Variants in ATP8A1 observed in about 807,000 individuals in gnomAD.
The protein encoded by ATP8A1 is phospholipid-transporting ATPase IA.
ATP8A1 carries 90 observed loss-of-function variants against 177.7 expected under a neutral mutation model. That is an observed-to-expected ratio of 0.51 (90% CI 0.43 to 0.60). ATP8A1 has a LOEUF of 0.60. ATP8A1 is among the 20% of genes least tolerant of loss of function. The pLI is 0.00. For missense variants in ATP8A1, 1,072 were observed against 1,392.8 expected (o/e 0.77, Z 3.67); for synonymous variants, 493 against 485.9 (o/e 1.01, Z -0.19).
At chr4:42,588,224 A>T (rs1733821443) in intron 8 of ATP8A1, 36 bp downstream of exon 8, 3 of 1,503,682 alleles carry the variant, frequency 2.0e-6, no homozygotes, top group Middle Eastern at 1.7e-4. Context: ...GTAATAAAAT[A>T]GCAGTGATTA....
rs372597903 is a variant in ATP8A1, at chr4:42,491,811, T to C, written c.2152-6143A>G. On this transcript the variant is annotated intron_variant, in intron 24 of 36. Coordinates refer to ENST00000381668, the MANE Select transcript of ATP8A1 (RefSeq NM_006095.2). ...ATAAAAATGGTCCTTTTCAGCTTTC[T>C]AGCCGAGGTTTACAGGAAAGACAGT... Among the ~76,000 whole-genome samples, 410 of 152,278 alleles carry C rather than the reference T, an allele frequency of 2.7e-3. 2 individuals are homozygous for C. Among genetic ancestry groups the C allele is most frequent in the Admixed American group, 3.8e-3 (58 of 15,288 alleles).
In ATP8A1 at chr4:42,435,461, A is replaced by AAAAAAC. The variant is rs1553871738; in HGVS notation, c.3123+8103_3123+8104insGTTTTT. Among the ~76,000 whole-genome samples, 640 of 122,130 alleles carry AAAAAAC rather than the reference A, an allele frequency of 5.2e-3. 30 individuals carry two copies. Among genetic ancestry groups the AAAAAAC allele is most frequent in the East Asian group, 0.013 (51 of 3,902 alleles). 80.1% of individuals were successfully genotyped at this position (122,130 alleles called of 152,430 possible). ...AAAAAAAAAAAAAACAAAAAAAAAA[A>AAAAAAC]AACAAACTATCTCCAGTTATGAGCT... On this transcript the variant is annotated intron_variant, in intron 33 of 36. Transcript: ENST00000381668.
At chr4:42,469,916 A>G (rs1720205200) in intron 25 of ATP8A1, among the ~76,000 whole-genome samples, 1 of 152,250 alleles carries the variant, frequency 6.6e-6, no homozygotes, top group African/African-American at 2.4e-5. Flanking sequence ...AAAAAATCAC[A>G]TATCCATGGC....
Position 42,414,621 on chromosome 4 carries a change from A to G in ATP8A1, c.3397+6T>C. On this transcript the variant is annotated splice_donor_region_variant and intron_variant, in intron 36 of 36. Transcript: ENST00000381668. ...TTATTTAAAAATAAGAAACTCAAATACTCACGGAGCAGATTTTGTTGCAAG... is the reference window on the plus strand; with the variant it reads ...TTATTTAAAAATAAGAAACTCAAATGCTCACGGAGCAGATTTTGTTGCAAG... 6.2e-7 allele frequency: 1 copy of G among 1,610,812 alleles called. No individual in the cohort carries two copies. Among genetic ancestry groups the G allele is most frequent in the Non-Finnish European group, 8.5e-7 (1 of 1,177,006 alleles).
At chr4:42,592,901 G>A (rs1159923653) in intron 6 of ATP8A1, among the ~76,000 whole-genome samples, 1 of 151,910 alleles carries the variant, frequency 6.6e-6, no homozygotes, top group Non-Finnish European at 1.5e-5. Flanking sequence ...TGACCAAAAT[G>A]TTGTTATGCA....
At chr4:42,568,015 A>G (rs558465796) in intron 15 of ATP8A1, among the ~76,000 whole-genome samples, 1 of 152,362 alleles carries the variant, frequency 6.6e-6, no homozygotes, top group Admixed American at 6.5e-5. Context: ...TCGAAATTTT[A>G]ACTACTTCTC....
At chr4:42,550,472 T>C (rs1461702516) in intron 18 of ATP8A1, among the ~76,000 whole-genome samples, 1 of 152,196 alleles carries the variant, frequency 6.6e-6, no homozygotes, top group African/African-American at 2.4e-5. Context: ...ATGAGCACAA[T>C]TGCTGGCTCA....
chr4:42,536,878 G>A (rs1727880716), intron 20 of ATP8A1, among the ~76,000 whole-genome samples: 1 of 152,060 alleles, frequency 6.6e-6, no homozygotes, highest in Non-Finnish European at 1.5e-5. Context: ...TGTAATCCCA[G>A]CCAGCACTTT....
intron 6 of ATP8A1, among the ~76,000 whole-genome samples, chr4:42,597,889 T>C (rs1202052768): frequency 4.6e-5 from 7 of 152,142 alleles, no homozygotes; most frequent in Admixed American, 4.6e-4. Flanking sequence ...AACTTCAATA[T>C]GGTTTAAATT....
chr4:42,582,494 A>ACCCCCCC (rs1467853967), intron 9 of ATP8A1, among the ~76,000 whole-genome samples: 1 of 84,310 alleles, frequency 1.2e-5, no homozygotes, highest in Admixed American at 1.3e-4. Flanking sequence ...ACACACACCC[A>ACCCCCCC]CCCCCCACAC....
At chr4:42,564,517 G>A (rs185811845) in intron 15 of ATP8A1, among the ~76,000 whole-genome samples, 150 of 152,324 alleles carry the variant, frequency 9.8e-4, no homozygotes, top group African/African-American at 1.5e-3. Flanking sequence ...GGATCATTTT[G>A]GACCTTTAAG....
intron 5 of ATP8A1, among the ~76,000 whole-genome samples, chr4:42,609,215 T>A (rs1736129425): frequency 6.6e-6 from 1 of 152,194 alleles, no homozygotes; most frequent in African/African-American, 2.4e-5. Flanking sequence ...ACTGAGAGGT[T>A]AAAACTGAAA....
intron 16 of ATP8A1, 76 bp from the exon 17 acceptor site, chr4:42,552,686 C>T (rs1729625063): frequency 1.9e-6 from 2 of 1,061,520 alleles, no homozygotes; most frequent in African/African-American, 3.2e-5. Flanking sequence ...TACTTCATGT[C>T]TATTAAGAAC....
At chr4:42,432,301 A>T (rs1340395744) in intron 33 of ATP8A1, among the ~76,000 whole-genome samples, 1 of 152,202 alleles carries the variant, frequency 6.6e-6, no homozygotes, top group East Asian at 1.9e-4. Flanking sequence ...TAAAATCCAC[A>T]ATATTAATAT....
At position 42,578,248 on chromosome 4, in the gene ATP8A1, A is replaced by C; in HGVS notation, c.1128+12T>G. On this transcript the variant is annotated intron_variant, in intron 12 of 36. Transcript: ENST00000381668. ...ATTTTGTAGGGTGATAACAATCATA[A>C]TTCATATTTACCCAATTTATGAAGT... The C allele has an allele frequency of 6.3e-7, 1 of 1,582,960 alleles. No homozygotes were observed. The highest frequency in any genetic ancestry group is 8.6e-7 in the Non-Finnish European group (1 of 1,166,446).
Position 42,588,275 on chromosome 4 carries a change from G to A in ATP8A1, c.579C>T (p.Asn193=). The A allele has an allele frequency of 6.2e-7, 1 of 1,613,422 alleles. No individual in the cohort carries two copies. The highest frequency in any genetic ancestry group is 8.5e-7 in the Non-Finnish European group (1 of 1,179,534). The stretch of plus-strand genomic sequence containing the variant: ...CAGATCTTACCTGTCTAATTTTCAA[G>A]TTTGTTTCACCATCTAAGTTGGATG... ...IETSNLDGET[N]LKIRQGLPAT... Residue 193 remains asparagine, a synonymous_variant, in exon 8 of 37, where the codon AAC becomes AAT. Transcript: ENST00000381668.
At chr4:42,645,809 A>G (rs1255057415) in intron 1 of ATP8A1, among the ~76,000 whole-genome samples, 1 of 152,218 alleles carries the variant, frequency 6.6e-6, no homozygotes, top group Non-Finnish European at 1.5e-5. Flanking sequence ...AATATTTATC[A>G]CAACCATTCT....
intron 6 of ATP8A1, among the ~76,000 whole-genome samples, chr4:42,600,071 AGTG>A (rs917243510): frequency 6.6e-6 from 1 of 152,228 alleles, no homozygotes; most frequent in African/African-American, 2.4e-5. Flanking sequence ...TAAAGGAATT[AGTG>A]GTAAGCAAAT....
intron 25 of ATP8A1, 119 bp from the exon 26 acceptor site, chr4:42,465,195 A>T: frequency 1.1e-6 from 1 of 879,856 alleles, no homozygotes; most frequent in East Asian, 2.7e-5. Context: ...AAGAAACCTT[A>T]TGATAAAGTT....
Sources: gnomAD v4.1 joint callset for allele counts (sites outside exome capture counted in the v4.1 genomes callset) on GRCh38, gnomAD v4.1.1 for gene constraint, MANE v1.5 for transcripts, NCBI Gene and HGNC (gene_info 2026-07-23, HGNC 2026-07-21) for gene names.